Variants in CADM2 observed in about 807,000 individuals in gnomAD.
The protein encoded by CADM2 is immunoglobulin superfamily member 4D.
In CADM2, 12 loss-of-function variants were observed where a neutral mutation model predicts 49.8. The ratio of observed to expected loss-of-function variants is 0.24; its 90% CI spans 0.15 to 0.39. CADM2 has a LOEUF of 0.39. CADM2 is among the 10% of genes least tolerant of loss of function. CADM2 has a pLI of 1.00. For missense variants in CADM2, 378 were observed against 492.3 expected (o/e 0.77, Z 2.20); for synonymous variants, 214 against 175.4 (o/e 1.22, Z -1.74).
intron 1 of CADM2, among the ~76,000 whole-genome samples, chr3:85,144,344 C>G (rs1204759376): frequency 6.6e-6 from 1 of 151,966 alleles, no homozygotes; most frequent in Non-Finnish European, 1.5e-5. Flanking sequence ...GGCGCGATGG[C>G]TCACTCCTGT....
intron 1 of CADM2, among the ~76,000 whole-genome samples, chr3:85,365,588 T>G (rs898876627): frequency 6.6e-6 from 1 of 152,162 alleles, no homozygotes; most frequent in African/African-American, 2.4e-5. Flanking sequence ...TTTATGTATG[T>G]CATATCATTA....
At chr3:85,407,032 C>T (rs1270450225) in intron 1 of CADM2, among the ~76,000 whole-genome samples, 1 of 151,728 alleles carries the variant, frequency 6.6e-6, no homozygotes, top group Non-Finnish European at 1.5e-5. Context: ...CTTGTTCCTA[C>T]AAAAAATAAA....
At chr3:86,029,563 G>A (rs752587584) in intron 8 of CADM2, among the ~76,000 whole-genome samples, 1 of 151,732 alleles carries the variant, frequency 6.6e-6, no homozygotes, top group Admixed American at 6.6e-5. Flanking sequence ...GAGTATTTTC[G>A]TGTCTTTTCC....
At chr3:85,226,780 C>G (rs2042172695) in intron 1 of CADM2, among the ~76,000 whole-genome samples, 1 of 152,060 alleles carries the variant, frequency 6.6e-6, no homozygotes, top group Non-Finnish European at 1.5e-5. Context: ...TATAAATTTC[C>G]CTCTACACAC....
intron 1 of CADM2, among the ~76,000 whole-genome samples, chr3:85,347,007 G>C (rs1387676740): frequency 6.6e-6 from 1 of 151,926 alleles, no homozygotes; most frequent in Non-Finnish European, 1.5e-5. Flanking sequence ...TGGATCACTT[G>C]ACGTCAGGAG....
intron 1 of CADM2, among the ~76,000 whole-genome samples, chr3:85,541,611 A>G (rs1337896704): frequency 6.7e-6 from 1 of 149,714 alleles, no homozygotes; most frequent in African/African-American, 2.4e-5. Flanking sequence ...TAACCTAGGG[A>G]AAATTACTTC....
chr3:85,430,186 G>T (rs189661568), intron 1 of CADM2, among the ~76,000 whole-genome samples: 3 of 152,296 alleles, frequency 2.0e-5, no homozygotes, highest in African/African-American at 7.2e-5. Flanking sequence ...GACAAGTCCA[G>T]ATAATTGCAG....
rs765067272 is a variant in CADM2 at position 86,072,995 on chromosome 3, A to T, written c.*6212A>T. 5.3e-5 allele frequency: 8 copies of T among 152,090 alleles called. No individual in the cohort carries two copies. The highest frequency in any genetic ancestry group is 1.0e-4 in the Non-Finnish European group (7 of 67,954). The allele number at this position is 152,090 out of a possible 1,614,324, so 9.4% of individuals were successfully genotyped here. A position where few individuals can be genotyped will look rare whatever the true frequency, so the allele number is the denominator to read the frequency against. On this transcript the variant is annotated 3_prime_UTR_variant, in exon 10 of 10. Coordinates refer to ENST00000383699, the MANE Select transcript of CADM2 (RefSeq NM_001167675.2). ...GTAGATTCAATGACGCAGTTAAGTC[A>T]TCACCCAAGGATTTATGAATTTGAG...
In CADM2 at chr3:85,543,507, C is replaced by T. The variant is rs961254907; in HGVS notation, c.62-183015C>T. On this transcript the variant is annotated intron_variant, in intron 1 of 9. Transcript: ENST00000383699. ...CCATGTTGGTTAGGCTGGTCTCAAT[C>T]TCCTGACCTCAGGCAATCCACCTGC... is the stretch of plus-strand genomic sequence containing the variant. Among the ~76,000 whole-genome samples, 79 of 151,612 alleles carry T rather than the reference C, an allele frequency of 5.2e-4. 1 individual carries two copies. The highest frequency in any genetic ancestry group is 1.6e-4 in the Non-Finnish European group (11 of 67,966).
chr3:84,969,233 C>T (rs2031236261), intron 1 of CADM2, among the ~76,000 whole-genome samples: 1 of 151,872 alleles, frequency 6.6e-6, no homozygotes, highest in African/African-American at 2.4e-5. Flanking sequence ...TTTATTTATG[C>T]TTATGGCAAT....
intron 8 of CADM2, among the ~76,000 whole-genome samples, chr3:85,974,807 A>G (rs542565200): frequency 2.6e-5 from 4 of 151,700 alleles, no homozygotes; most frequent in African/African-American, 9.6e-5. Flanking sequence ...TGTTCTATTG[A>G]CTTGATTTAG....
Position 85,802,075 on chromosome 3 carries a change from G to C in CADM2, c.117G>C (p.Gln39His). ...GCCAAGGGCAGTTTCCACTAACACA[G>C]AATGTAACCGTTGTTGAAGGTGGAA... ...KGSQGQFPLT[Q>H]NVTVVEGGTA... is the part of the protein sequence containing the mutation. Residue 39 changes from glutamine to histidine, a missense_variant, in exon 3 of 10, where the codon CAG becomes CAC. Gln to His is a conservative substitution (Grantham distance 24). Transcript: ENST00000383699. 1 of 1,612,404 alleles carries C rather than the reference G, an allele frequency of 6.2e-7. No individual in the cohort carries two copies.
intron 2 of CADM2, among the ~76,000 whole-genome samples, chr3:85,756,849 C>T (rs114194775): frequency 3.3e-5 from 5 of 151,908 alleles, no homozygotes; most frequent in Non-Finnish European, 4.4e-5. Context: ...AAATATTGAT[C>T]GGGTTATTTC....
intron 8 of CADM2, among the ~76,000 whole-genome samples, chr3:86,057,074 G>A (rs1738081324): frequency 1.3e-5 from 2 of 152,046 alleles, no homozygotes; most frequent in South Asian, 4.1e-4. Flanking sequence ...ATATTTTCAT[G>A]TTTTCTATCT....
intron 1 of CADM2, among the ~76,000 whole-genome samples, chr3:85,668,295 C>CAAAAAAAAAAAAAAAAAAAGCAAAAAAA (rs11447925): frequency 1.2e-5 from 1 of 81,774 alleles, no homozygotes; most frequent in African/African-American, 4.5e-5. Context: ...AGTACCAAAG[C>CAAAAAAAAAAAAAAAAAAAGCAAAAAAA]AAAAAAAAAA....
intron 3 of CADM2, among the ~76,000 whole-genome samples, chr3:85,877,684 G>GTTTTTTTTTTTTTTTTTTTTGTT (rs368101272): frequency 8.9e-6 from 1 of 112,024 alleles, no homozygotes; most frequent in Non-Finnish European, 1.8e-5. Context: ...TTTTTCTTCT[G>GTTTTTTTTTTTTTTTTTTTTGTT]TTTTTTTTTT....
intron 1 of CADM2, among the ~76,000 whole-genome samples, chr3:84,994,725 A>C (rs1219140098): frequency 6.6e-6 from 1 of 152,138 alleles, no homozygotes; most frequent in Admixed American, 6.6e-5. Context: ...TTTTTAAACA[A>C]TTTTAGAATA....
At chr3:85,674,704 C>T (rs570361580) in intron 1 of CADM2, among the ~76,000 whole-genome samples, 1 of 152,106 alleles carries the variant, frequency 6.6e-6, no homozygotes, top group East Asian at 1.9e-4. Context: ...ATGATAGCAC[C>T]AGGATTTTTA....
intron 1 of CADM2, among the ~76,000 whole-genome samples, chr3:85,258,270 GATA>G (rs2042935242): frequency 6.6e-6 from 1 of 152,098 alleles, no homozygotes; most frequent in South Asian, 2.1e-4. Flanking sequence ...AGCTCTGGCA[GATA>G]ATAAAATGCA....
Sources: gnomAD v4.1 joint callset for allele counts (sites outside exome capture counted in the v4.1 genomes callset) on GRCh38, gnomAD v4.1.1 for gene constraint, MANE v1.5 for transcripts, NCBI Gene and HGNC (gene_info 2026-07-23, HGNC 2026-07-21) for gene names.